FAM185A: variants seen among roughly 807,000 people sequenced by gnomAD.
FAM185A encodes the protein family with sequence similarity 185 member A.
A neutral mutation model predicts 45.7 loss-of-function variants in FAM185A; 21 were observed. That is an observed-to-expected ratio of 0.46 (90% CI 0.33 to 0.66). The LOEUF (loss-of-function observed/expected upper bound fraction) is 0.66. Ranked by LOEUF, FAM185A falls within the 30% of genes least tolerant of loss-of-function variation. The pLI, the probability that FAM185A is intolerant of heterozygous loss-of-function variation, is 0.03. For missense variants in FAM185A, 305 were observed against 485.4 expected (o/e 0.63, Z 3.49); for synonymous variants, 117 against 194.0 (o/e 0.60, Z 3.30).
intron 2 of FAM185A, among the ~76,000 whole-genome samples, chr7:102,752,512 C>G (rs886577788): frequency 6.6e-6 from 1 of 151,808 alleles, no homozygotes; most frequent in Non-Finnish European, 1.5e-5. Context: ...CCTCGTGATC[C>G]GCCTGCCTTG....
In FAM185A at chr7:102,749,027, G is replaced by A; in HGVS notation, c.-181G>A. 1.1e-6 allele frequency: 1 copy of A among 950,820 alleles called. No homozygotes were observed. Among genetic ancestry groups the A allele is most frequent in the Non-Finnish European group, 1.6e-6 (1 of 608,880 alleles). 58.9% of individuals were successfully genotyped at this position (950,820 alleles called of 1,614,324 possible). A position where few individuals can be genotyped will look rare whatever the true frequency, so the allele number is the denominator to read the frequency against. On this transcript the variant is annotated 5_prime_UTR_variant, in exon 1 of 8. Coordinates refer to ENST00000413034, the MANE Select transcript of FAM185A (RefSeq NM_001145268.2). Reference sequence around the variant, plus strand: ...GCTTTCAAATCCCAACTTGCCCCTGGGGATTGCGCGGCTGATGTTTAGAAC... The same window carrying A: ...GCTTTCAAATCCCAACTTGCCCCTGAGGATTGCGCGGCTGATGTTTAGAAC...
intron 6 of FAM185A, among the ~76,000 whole-genome samples, chr7:102,781,859 G>T (rs969526555): frequency 6.6e-6 from 1 of 152,144 alleles, no homozygotes; most frequent in Admixed American, 6.5e-5. Flanking sequence ...ACTACTCTGA[G>T]CTAAAGGAGG....
chr7:102,825,177 T>C, the FAM185A span, among the ~76,000 whole-genome samples: 1 of 152,198 alleles, frequency 6.6e-6, no homozygotes, highest in Non-Finnish European at 1.5e-5. Flanking sequence ...TGGATTTGTA[T>C]GCTATGGTTT....
In FAM185A at chr7:102,777,289, A is replaced by G. The variant is rs1795128112; in HGVS notation, c.872A>G (p.Gln291Arg). 1 of 1,541,706 alleles carries G rather than the reference A, an allele frequency of 6.5e-7. No individual in the cohort carries two copies. Among genetic ancestry groups the G allele is most frequent in the East Asian group, 2.4e-5 (1 of 40,818 alleles). ...GGATGTCTAAAAGCCTCAACTAATC[A>G]GGGTGCCATAGATGTTTATGTCAGC... ...SSGCLKASTN[Q>R]GAIDVYVSQL... The change falls in exon 6 of 8, where the codon CAG becomes CGG. Residue 291 changes from glutamine (Q) to arginine (R), a missense_variant. Gln to Arg is a conservative substitution (Grantham distance 43, BLOSUM62 1). Around this residue, in one of 5 missense-constraint regions of FAM185A, gnomAD observed 9 missense variants for 50.5 expected, o/e 0.18. Transcript: ENST00000413034.
At chr7:102,806,575 T>C (rs1358327905) in intron 7 of FAM185A, among the ~76,000 whole-genome samples, 2 of 152,134 alleles carry the variant, frequency 1.3e-5, no homozygotes, top group African/African-American at 4.8e-5. Flanking sequence ...TTTTTTGTTT[T>C]AAATTTTTGT....
At chr7:102,780,187 G>A (rs900648475) in intron 6 of FAM185A, among the ~76,000 whole-genome samples, 3 of 151,972 alleles carry the variant, frequency 2.0e-5, no homozygotes, top group Admixed American at 6.5e-5. Context: ...GGAAAACCAC[G>A]ACCCATAAGT....
the FAM185A span, chr7:102,822,181 A>G: frequency 1.2e-6 from 2 of 1,614,144 alleles, no homozygotes; most frequent in African/African-American, 1.3e-5. Flanking sequence ...TGCCGATAAC[A>G]TCTCCATTGC....
chr7:102,778,106 C>T (rs546403547), intron 6 of FAM185A, among the ~76,000 whole-genome samples: 39 of 152,230 alleles, frequency 2.6e-4, no homozygotes, highest in African/African-American at 7.0e-4. Context: ...GCATGTTGGC[C>T]AGATGTTTAA....
At chr7:102,813,550 G>A, downstream of FAM185A, 1 of 1,605,394 alleles carries the variant, frequency 6.2e-7, no homozygotes, top group Admixed American at 1.7e-5. Flanking sequence ...ACAGTGCTTA[G>A]CATTAGCTAG....
chr7:102,811,439 AC>A (rs1209974740), downstream of FAM185A, among the ~76,000 whole-genome samples: 1 of 152,170 alleles, frequency 6.6e-6, no homozygotes, highest in African/African-American at 2.4e-5. Flanking sequence ...TTCATAGCTC[AC>A]TTTTTCTACT....
chr7:102,836,306 C>T, the FAM185A span, among the ~76,000 whole-genome samples: 2 of 152,174 alleles, frequency 1.3e-5, no homozygotes, highest in Admixed American at 6.5e-5. Flanking sequence ...AAATCAGTGG[C>T]AGATTGGCGA....
the FAM185A span, among the ~76,000 whole-genome samples, chr7:102,827,437 TGA>T: frequency 6.6e-6 from 1 of 152,174 alleles, no homozygotes; most frequent in African/African-American, 2.4e-5. Context: ...CCACTGAGTT[TGA>T]GAGTGACTGG....
chr7:102,776,116 A>ACACATATACACACACACACACAC (rs1198677194), intron 5 of FAM185A, among the ~76,000 whole-genome samples: 4 of 126,672 alleles, frequency 3.2e-5, no homozygotes, highest in African/African-American at 1.1e-4. Flanking sequence ...ACACACACAC[A>ACACATATACACACACACACACAC]AATGTTTTCT....
intron 5 of FAM185A, among the ~76,000 whole-genome samples, chr7:102,776,530 A>G (rs547771114): frequency 4.6e-5 from 7 of 152,136 alleles, no homozygotes; most frequent in Admixed American, 2.6e-4. Flanking sequence ...AGAAACTTGA[A>G]AAGAACTATT....
At chr7:102,817,473 ATTTG>A in the FAM185A span, among the ~76,000 whole-genome samples, 652 of 151,934 alleles carry the variant, frequency 4.3e-3, 6 homozygotes, top group African/African-American at 0.015. Context: ...TTGCTTGTTG[ATTTG>A]TTTAAGTTCT....
intron 7 of FAM185A, among the ~76,000 whole-genome samples, chr7:102,794,035 CA>C (rs765672577): frequency 0.13 from 7,815 of 60,592 alleles, 130 homozygotes; most frequent in Middle Eastern, 0.17. Flanking sequence ...GACTCTGTCT[CA>C]AAAAAAAAAA....
At chr7:102,774,720 A>G (rs993704324) in intron 5 of FAM185A, among the ~76,000 whole-genome samples, 5 of 152,102 alleles carry the variant, frequency 3.3e-5, no homozygotes, top group African/African-American at 9.7e-5. Context: ...TTTTATTAAT[A>G]TGACCAACTA....
chr7:102,782,851 C>T (rs1441164163), intron 6 of FAM185A, among the ~76,000 whole-genome samples: 6 of 152,036 alleles, frequency 3.9e-5, no homozygotes, highest in Non-Finnish European at 8.8e-5. Context: ...AAGACACAGA[C>T]TGGCAAATTG....
At chr7:102,835,407 A>G in the FAM185A span, among the ~76,000 whole-genome samples, 5 of 152,330 alleles carry the variant, frequency 3.3e-5, no homozygotes, top group East Asian at 1.9e-4. Context: ...TGGAGATTCA[A>G]TAAAAATGCA....
Sources: gnomAD v4.1 joint callset for allele counts (sites outside exome capture counted in the v4.1 genomes callset) on GRCh38, gnomAD v4.1.1 for gene constraint, gnomAD v4.1.1 regional missense constraint, MANE v1.5 for transcripts, NCBI Gene and HGNC (gene_info 2026-07-23, HGNC 2026-07-21) for gene names.